The following DYM variants were observed in gnomAD, a reference collection of about 807,000 sequenced individuals.
The protein encoded by DYM is dyggve-Melchior-Clausen syndrome protein.
A neutral mutation model predicts 93.1 loss-of-function variants in DYM; 78 were observed. That is an observed-to-expected ratio of 0.84 (90% CI 0.70 to 1.01). The LOEUF (loss-of-function observed/expected upper bound fraction) is 1.01. Among genes scored for constraint, DYM ranks in the 50% least tolerant of loss-of-function variants. The pLI, the probability that DYM is intolerant of heterozygous loss-of-function variation, is 0.00. For missense variants in DYM, 789 were observed against 845.0 expected (o/e 0.93, Z 0.82); for synonymous variants, 321 against 319.7 (o/e 1.00, Z -0.04).
chr18:49,407,703 T>C (rs1360928441), intron 2 of DYM, among the ~76,000 whole-genome samples: 2 of 152,122 alleles, frequency 1.3e-5, no homozygotes, highest in African/African-American at 2.4e-5. Flanking sequence ...ACCTCCAACG[T>C]TGGAGGTCAC....
At chr18:49,267,980 T>C (rs2094600268) in intron 11 of DYM, among the ~76,000 whole-genome samples, 1 of 152,204 alleles carries the variant, frequency 6.6e-6, no homozygotes, top group African/African-American at 2.4e-5. Flanking sequence ...ACAGTTGCCA[T>C]TGGGGAAAAC....
intron 15 of DYM, among the ~76,000 whole-genome samples, chr18:49,154,487 T>G (rs2086164966): frequency 6.6e-6 from 1 of 152,008 alleles, no homozygotes; most frequent in South Asian, 2.1e-4. Context: ...CTCCGCCTCC[T>G]GGGTTCAAGC....
intron 16 of DYM, among the ~76,000 whole-genome samples, chr18:49,100,542 T>C (rs1299428495): frequency 2.6e-5 from 4 of 152,196 alleles, no homozygotes; most frequent in Non-Finnish European, 5.9e-5. Flanking sequence ...AAATTCCTTT[T>C]TCAAACTGGT....
chr18:49,223,454 C>T (rs2093430680), intron 13 of DYM, among the ~76,000 whole-genome samples: 1 of 152,048 alleles, frequency 6.6e-6, no homozygotes, highest in Non-Finnish European at 1.5e-5. Context: ...AAAACTAAGA[C>T]ACATGACTAA....
intron 2 of DYM, among the ~76,000 whole-genome samples, chr18:49,408,760 A>G (rs1310679979): frequency 1.3e-5 from 2 of 152,228 alleles, no homozygotes; most frequent in Non-Finnish European, 2.9e-5. Flanking sequence ...TAAATTTAGA[A>G]GGAACCCTAT....
intron 17 of DYM, among the ~76,000 whole-genome samples, chr18:49,049,525 C>T (rs970223277): frequency 2.0e-5 from 3 of 152,188 alleles, no homozygotes; most frequent in South Asian, 4.1e-4. Flanking sequence ...GGAATGTAAC[C>T]ATCCTTCCTA....
At chr18:49,293,831 T>C (rs1166153458) in intron 8 of DYM, among the ~76,000 whole-genome samples, 1 of 152,214 alleles carries the variant, frequency 6.6e-6, no homozygotes, top group Non-Finnish European at 1.5e-5. Context: ...TAGATCCCAT[T>C]TGTCAATTTT....
chr18:49,397,531 G>A (rs2070254704), intron 2 of DYM, among the ~76,000 whole-genome samples: 1 of 152,176 alleles, frequency 6.6e-6, no homozygotes, highest in African/African-American at 2.4e-5. Context: ...AATACACATG[G>A]TGCAGTAAAT....
At chr18:49,374,419 A>G (rs2067302991) in intron 5 of DYM, among the ~76,000 whole-genome samples, 1 of 152,192 alleles carries the variant, frequency 6.6e-6, no homozygotes, top group East Asian at 1.9e-4. Context: ...TTCCTTTCCT[A>G]CTTAGTGACT....
chr18:49,194,093 C>G (rs1386900611), intron 14 of DYM, among the ~76,000 whole-genome samples: 2 of 152,086 alleles, frequency 1.3e-5, no homozygotes. Flanking sequence ...TACGGAAACC[C>G]TGTATGTTTA....
At chr18:49,202,653 TGGGATGTGA>T (rs2092112724) in intron 14 of DYM, among the ~76,000 whole-genome samples, 1 of 106,572 alleles carries the variant, frequency 9.4e-6, no homozygotes, top group Non-Finnish European at 1.9e-5. Context: ...CCGCCCCATC[TGGGATGTGA>T]GGAGCGCCTC....
intron 2 of DYM, among the ~76,000 whole-genome samples, chr18:49,421,897 G>T (rs2073757059): frequency 6.6e-6 from 1 of 152,188 alleles, no homozygotes; most frequent in Non-Finnish European, 1.5e-5. Context: ...CTGAAAGAAA[G>T]GGTATCAGTG....
intron 14 of DYM, among the ~76,000 whole-genome samples, chr18:49,191,011 GTT>G (rs1444594900): frequency 3.3e-5 from 5 of 151,248 alleles, no homozygotes; most frequent in Non-Finnish European, 7.4e-5. Context: ...TAGTAGTTAA[GTT>G]TTGGGGAAGT....
intron 11 of DYM, among the ~76,000 whole-genome samples, chr18:49,259,719 T>C (rs975035172): frequency 1.3e-5 from 2 of 152,192 alleles, no homozygotes; most frequent in African/African-American, 4.8e-5. Context: ...TGTTTACACA[T>C]GAAATTATAC....
At chr18:49,271,107 C>G (rs1248673825) in intron 11 of DYM, among the ~76,000 whole-genome samples, 1 of 152,082 alleles carries the variant, frequency 6.6e-6, no homozygotes, top group Non-Finnish European at 1.5e-5. Context: ...CCAGGGCCAC[C>G]AGATGCTCCA....
chr18:49,309,869 T>A (rs1599317906), intron 8 of DYM, among the ~76,000 whole-genome samples: 1 of 152,218 alleles, frequency 6.6e-6, no homozygotes, highest in East Asian at 1.9e-4. Context: ...CTAATGTAAC[T>A]TGAACCCATG....
intron 13 of DYM, among the ~76,000 whole-genome samples, chr18:49,211,105 A>C (rs1170891039): frequency 3.6e-4 from 55 of 152,172 alleles, no homozygotes; most frequent in Non-Finnish European, 1.2e-4. Flanking sequence ...TGCAAAAATA[A>C]AATTTTTTAA....
intron 17 of DYM, among the ~76,000 whole-genome samples, chr18:49,091,314 T>C (rs937154945): frequency 2.0e-5 from 3 of 152,110 alleles, no homozygotes; most frequent in African/African-American, 7.2e-5. Context: ...TAGATGACAA[T>C]GCTGCGGAAC....
At chr18:49,139,580 G>C (rs746480128) in intron 15 of DYM, among the ~76,000 whole-genome samples, 11 of 152,146 alleles carry the variant, frequency 7.2e-5, no homozygotes, top group Non-Finnish European at 1.6e-4. Context: ...AATTAACTGG[G>C]AATCTGAGAA....
Sources: allele counts gnomAD v4.1 joint callset (sites outside exome capture counted in the v4.1 genomes callset), GRCh38; gene constraint gnomAD v4.1.1; transcripts MANE v1.5; gene names NCBI Gene and HGNC (gene_info 2026-07-23, HGNC 2026-07-21).